PLCL1: variants seen among roughly 807,000 people sequenced by gnomAD.
PLCL1 encodes the protein phospholipase C like 1 (inactive), also known as inactive phospholipase C-like protein 1.
PLCL1 carries 41 observed loss-of-function variants against 84.4 expected under a neutral mutation model. The ratio of observed to expected loss-of-function variants is 0.49; its 90% CI spans 0.38 to 0.63. The LOEUF (loss-of-function observed/expected upper bound fraction) is 0.63. Among genes scored for constraint, PLCL1 ranks in the 30% least tolerant of loss-of-function variants. The pLI is 0.00. For missense variants in PLCL1, 1,206 were observed against 1,367.8 expected (o/e 0.88, Z 1.87); for synonymous variants, 490 against 488.3 (o/e 1.00, Z -0.05).
intron 1 of PLCL1, among the ~76,000 whole-genome samples, chr2:198,051,065 A>G (rs544258290): frequency 2.6e-5 from 4 of 152,350 alleles, no homozygotes; most frequent in African/African-American, 7.2e-5. Context: ...TTCAAGTTCA[A>G]ATTGGTAGGT....
rs1559038605 is a variant in PLCL1 at position 197,897,174 on chromosome 2, CTTCTTCTTCTTCTT to C, written c.240+91836_240+91849del. ...TCTTCTTCTTCTTCTTCTTCTTCTT[CTTCTTCTTCTTCTT>C]CTCCTTCTCCTTCTTCTTTCTTCTT... On this transcript the variant is annotated intron_variant, in intron 1 of 5. Coordinates refer to ENST00000428675, the MANE Select transcript of PLCL1 (RefSeq NM_006226.4). 1.5e-3 allele frequency among the ~76,000 whole-genome samples: 44 copies of C among 29,880 alleles called. 2 individuals are homozygous for C. The highest frequency in any genetic ancestry group is 8.6e-3 in the African/African-American group (38 of 4,426). 19.6% of individuals were successfully genotyped at this position (29,880 alleles called of 152,430 possible). A position where few individuals can be genotyped will look rare whatever the true frequency, so the allele number is the denominator to read the frequency against.
intron 1 of PLCL1, among the ~76,000 whole-genome samples, chr2:197,940,676 A>G (rs936915278): frequency 6.6e-6 from 1 of 152,222 alleles, no homozygotes. Context: ...TCTGGACTTA[A>G]AAGAAGCCTG....
intron 1 of PLCL1, among the ~76,000 whole-genome samples, chr2:197,825,423 A>G (rs1690908434): frequency 6.6e-6 from 1 of 152,202 alleles, no homozygotes; most frequent in African/African-American, 2.4e-5. Context: ...CAAGGATGAT[A>G]TAAGTTAGAA....
intron 1 of PLCL1, among the ~76,000 whole-genome samples, chr2:198,011,677 A>G (rs1690870888): frequency 6.6e-6 from 1 of 151,936 alleles, no homozygotes; most frequent in Admixed American, 6.6e-5. Flanking sequence ...CTTCTCTCTG[A>G]TTCTGTTGAT....
intron 1 of PLCL1, among the ~76,000 whole-genome samples, chr2:197,833,998 C>T (rs1403287551): frequency 5.9e-5 from 9 of 152,098 alleles, no homozygotes; most frequent in East Asian, 1.9e-4. Flanking sequence ...ACAGAGGCCT[C>T]AGAAATAATG....
At position 197,923,259 on chromosome 2, in the gene PLCL1, C is replaced by G. The variant is rs1354876442; in HGVS notation, c.240+117920C>G. Among the ~76,000 whole-genome samples the G allele has an allele frequency of 4.0e-4, 52 of 130,808 alleles. No individual in the cohort carries two copies. The East Asian group carries it at 0.01, about 26-fold the overall frequency. 85.8% of individuals were successfully genotyped at this position (130,808 alleles called of 152,430 possible). On this transcript the variant is annotated intron_variant, in intron 1 of 5. Transcript: ENST00000428675. ...GGCGGCTGGCCGGGCGGGGGGCTGA[C>G]CCCCCCCACCTCCCTCCCGGACGGG...
chr2:197,944,879 A>C (rs933457373), intron 1 of PLCL1, among the ~76,000 whole-genome samples: 2 of 152,158 alleles, frequency 1.3e-5, no homozygotes, highest in Non-Finnish European at 2.9e-5. Flanking sequence ...GTTAGACTGC[A>C]GTCACTTCTT....
intron 1 of PLCL1, among the ~76,000 whole-genome samples, chr2:197,850,872 G>T (rs1687222848): frequency 6.6e-6 from 1 of 152,182 alleles, no homozygotes; most frequent in African/African-American, 2.4e-5. Flanking sequence ...CTCTCTCCAG[G>T]AGAGTTTCAT....
intron 1 of PLCL1, among the ~76,000 whole-genome samples, chr2:197,953,677 T>A (rs1470606330): frequency 6.6e-6 from 1 of 152,064 alleles, no homozygotes; most frequent in African/African-American, 2.4e-5. Context: ...TATTAATATA[T>A]CAGTAATGAA....
At chr2:197,832,581 G>A (rs1365234928) in intron 1 of PLCL1, among the ~76,000 whole-genome samples, 1 of 152,142 alleles carries the variant, frequency 6.6e-6, no homozygotes, top group African/African-American at 2.4e-5. Context: ...ATACAAAGAG[G>A]AGTTGGTACC....
intron 1 of PLCL1, among the ~76,000 whole-genome samples, chr2:198,021,520 G>A (rs1691132536): frequency 6.6e-6 from 1 of 152,056 alleles, no homozygotes; most frequent in Admixed American, 6.6e-5. Flanking sequence ...GAAGAAAAGA[G>A]AAAAGAATCA....
At chr2:198,043,253 AC>A (rs2105861120) in intron 1 of PLCL1, among the ~76,000 whole-genome samples, 1 of 152,378 alleles carries the variant, frequency 6.6e-6, no homozygotes, top group South Asian at 2.1e-4. Context: ...GTATAAACAC[AC>A]AGAGAAAGTT....
At chr2:198,138,880 G>A (rs541639188) in intron 5 of PLCL1, among the ~76,000 whole-genome samples, 103 of 152,296 alleles carry the variant, frequency 6.8e-4, no homozygotes, top group African/African-American at 2.3e-3. Context: ...GTTTTGCTGG[G>A]CGTGGTGGCT....
At chr2:197,992,950 C>T (rs1025069957) in intron 1 of PLCL1, among the ~76,000 whole-genome samples, 7 of 152,166 alleles carry the variant, frequency 4.6e-5, no homozygotes, top group African/African-American at 1.7e-4. Context: ...TTAGCTGTTA[C>T]TAATAATGCT....
chr2:197,999,488 G>A (rs1356022394), intron 1 of PLCL1, among the ~76,000 whole-genome samples: 3 of 152,298 alleles, frequency 2.0e-5, no homozygotes, highest in South Asian at 2.1e-4. Flanking sequence ...GTAAGAAATA[G>A]GCTTAAGTGA....
chr2:198,031,826 ATTAC>A (rs1213493903), intron 1 of PLCL1, among the ~76,000 whole-genome samples: 1 of 152,014 alleles, frequency 6.6e-6, no homozygotes, highest in African/African-American at 2.4e-5. Flanking sequence ...ATGACTTAAT[ATTAC>A]TTGTTACTAT....
At chr2:197,969,175 A>T (rs972347217) in intron 1 of PLCL1, among the ~76,000 whole-genome samples, 1 of 152,256 alleles carries the variant, frequency 6.6e-6, no homozygotes, top group Non-Finnish European at 1.5e-5. Context: ...ACTCTGGTCC[A>T]TGGAAAAATT....
intron 5 of PLCL1, among the ~76,000 whole-genome samples, chr2:198,105,935 AAATG>A (rs1693463699): frequency 6.6e-6 from 1 of 151,954 alleles, no homozygotes; most frequent in Non-Finnish European, 1.5e-5. Flanking sequence ...ATGAAAAAAG[AAATG>A]ATTTAGGCAG....
intron 5 of PLCL1, among the ~76,000 whole-genome samples, chr2:198,116,504 G>A (rs1693752592): frequency 1.3e-5 from 2 of 151,662 alleles, no homozygotes; most frequent in South Asian, 4.2e-4. Context: ...TAGATTCTTT[G>A]AAAAACGTAT....
Sources: gnomAD v4.1 joint callset for allele counts (sites outside exome capture counted in the v4.1 genomes callset) on GRCh38, gnomAD v4.1.1 for gene constraint, MANE v1.5 for transcripts, NCBI Gene and HGNC (gene_info 2026-07-23, HGNC 2026-07-21) for gene names.